The following NEU4 variants were observed in gnomAD, a reference collection of about 807,000 sequenced individuals.
NEU4 encodes sialidase-4.
In NEU4, 7 loss-of-function variants were observed where a neutral mutation model predicts 9.9. That is an observed-to-expected ratio of 0.71 (90% confidence interval 0.40 to 1.33). The LOEUF is 1.33. NEU4 is among the 40% of genes most tolerant of loss of function. The pLI is 0.01. For missense variants in NEU4, 717 were observed against 712.6 expected (o/e 1.01, Z -0.07); for synonymous variants, 348 against 316.9 (o/e 1.10, Z -1.04).
chr2:241,813,603 A>G, intron 1 of NEU4: 1 of 1,151,120 alleles, frequency 8.7e-7, no homozygotes, highest in Non-Finnish European at 1.2e-6. Context: ...CCTGGGAGCA[A>G]ACTCCCAGAA....
At chr2:241,811,084 C>G (rs987608859) in intron 1 of NEU4, 40 of 1,161,902 alleles carry the variant, frequency 3.4e-5, no homozygotes, top group Admixed American at 4.7e-5. Flanking sequence ...CTGGCAGGGC[C>G]GCGTCTCTGG....
intron 1 of NEU4, among the ~76,000 whole-genome samples, chr2:241,810,276 A>G (rs1700071221): frequency 6.6e-6 from 1 of 152,066 alleles, no homozygotes; most frequent in African/African-American, 2.4e-5. Flanking sequence ...GCTTTCCTTA[A>G]CCGTCTTCAC....
At chr2:241,815,495 T>C (rs1467426615) in intron 3 of NEU4, 1 of 523,230 alleles carries the variant, frequency 1.9e-6, no homozygotes, top group South Asian at 1.5e-5. Context: ...CCTCTATGGC[T>C]GACCCGACTC....
intron 3 of NEU4, chr2:241,815,642 G>T: frequency 3.6e-5 from 18 of 505,494 alleles, no homozygotes; most frequent in South Asian, 2.8e-4. Context: ...CCCTGCCCAG[G>T]GCCTGGCCAG....
At chr2:241,813,350 C>T (rs1700189268) in intron 1 of NEU4, 2 of 1,052,326 alleles carry the variant, frequency 1.9e-6, no homozygotes, top group Non-Finnish European at 1.2e-6. Flanking sequence ...TCCAGGTGCC[C>T]CGTGTGCCCG....
Position 241,816,426 on chromosome 2 carries a change from G to T in NEU4, c.833G>T (p.Gly278Val), listed in dbSNP as rs1255796068. Residue 278 changes from glycine to valine, a missense_variant, in exon 4 of 4, where the codon GGC (glycine) becomes GTC (valine). Gly to Val is a moderately radical substitution (Grantham distance 109). Transcript: ENST00000407683. ...SLPETAWGCQGSIVGFPAPAP... is the reference protein window; with the variant it reads ...SLPETAWGCQVSIVGFPAPAP... ...CCCGAGACTGCCTGGGGCTGCCAGGGCAGCATCGTGGGCTTCCCAGCCCCC... is the reference window on the plus strand; with the variant it reads ...CCCGAGACTGCCTGGGGCTGCCAGGTCAGCATCGTGGGCTTCCCAGCCCCC... The T allele has an allele frequency of 6.2e-7, 1 of 1,606,938 alleles. No homozygotes were observed. Among genetic ancestry groups the T allele is most frequent in the Non-Finnish European group, 8.5e-7 (1 of 1,178,464 alleles).
chr2:241,815,380 G>T, intron 3 of NEU4: 1 of 520,746 alleles, frequency 1.9e-6, no homozygotes, highest in South Asian at 2.2e-5. Context: ...ACTGTTCTGC[G>T]CCTCCCGTCC....
chr2:241,815,127 C>A lies in NEU4; in HGVS notation c.437C>A (p.Ala146Asp). 3 of 1,568,960 alleles carry A rather than the reference C, an allele frequency of 1.9e-6. No individual in the cohort carries two copies. Among genetic ancestry groups the A allele is most frequent in the Non-Finnish European group, 2.6e-6 (3 of 1,160,560 alleles). Reference protein sequence around the residue: ...WGSARDLTEEAIGGAVQDWAT... With the variant: ...WGSARDLTEEDIGGAVQDWAT... ...AGCGCCCGGGACCTCACCGAGGAGG[C>A]CATCGGTGGTGCCGTGCAGGGTAGG... is the stretch of plus-strand genomic sequence containing the variant. Residue 146 changes from alanine (A) to aspartate (D), a missense_variant, in exon 3 of 4, where the codon GCC (alanine) becomes GAC (aspartate). Transcript: ENST00000407683.
intron 2 of NEU4, 28 bp from the exon 3 acceptor site, chr2:241,814,864 G>A (rs746580309): frequency 6.3e-7 from 1 of 1,592,816 alleles, no homozygotes; most frequent in Middle Eastern, 2.1e-4. Flanking sequence ...TGGACGTCCT[G>A]GTCAGCGGAA....
chr2:241,814,786 C>T (rs866413867), intron 2 of NEU4, 101 bp downstream of exon 2: 73 of 1,527,816 alleles, frequency 4.8e-5, no homozygotes, highest in African/African-American at 2.0e-4. Flanking sequence ...GGCAGATGCC[C>T]GAGGTAGAGA....
intron 1 of NEU4, 86 bp downstream of exon 1, chr2:241,809,360 C>A: frequency 1.4e-6 from 1 of 716,340 alleles, no homozygotes; most frequent in Non-Finnish European, 2.1e-6. Flanking sequence ...TGAGAACAGC[C>A]TGTCCGGGCT....
intron 1 of NEU4, among the ~76,000 whole-genome samples, chr2:241,812,488 G>A (rs984451115): frequency 1.0e-4 from 8 of 76,524 alleles, no homozygotes; most frequent in African/African-American, 2.2e-4. Context: ...GGGGCCTGCC[G>A]AGGACACGGA....
At chr2:241,814,118 G>A in intron 1 of NEU4, 1 of 583,932 alleles carries the variant, frequency 1.7e-6, no homozygotes, top group Non-Finnish European at 3.3e-6. Context: ...ATTCTGGGAT[G>A]ACCCTGTGTC....
chr2:241,812,733 C>T (rs1575379485), intron 1 of NEU4, among the ~76,000 whole-genome samples: 2 of 147,404 alleles, frequency 1.4e-5, no homozygotes, highest in African/African-American at 5.1e-5. Flanking sequence ...CTTGTCCTCT[C>T]TGTGGGCCTC....
intron 3 of NEU4, 111 bp from the exon 4 acceptor site, chr2:241,815,940 G>A: frequency 9.2e-7 from 1 of 1,092,254 alleles, no homozygotes; most frequent in Non-Finnish European, 1.3e-6. Context: ...AGAGTGCGAT[G>A]GTCCTAACCC....
chr2:241,815,736 G>A, intron 3 of NEU4: 1 of 567,642 alleles, frequency 1.8e-6, no homozygotes, highest in East Asian at 3.1e-5. Flanking sequence ...GAGTGCAGCA[G>A]ACACATGGCC....
chr2:241,814,324 C>A, intron 1 of NEU4, 158 bp from the exon 2 acceptor site: 1 of 682,834 alleles, frequency 1.5e-6, no homozygotes, highest in Admixed American at 2.6e-5. Context: ...GTGAGGGAGT[C>A]AGAAACAGGG....
Position 241,814,481 on chromosome 2 carries a change from G to T in NEU4, c.-3-1G>T. On this transcript the variant is annotated splice_acceptor_variant, in intron 1 of 3. Transcript: ENST00000407683. LOFTEE classifies it low-confidence loss of function (5UTR_SPLICE). ...ACCTGTGGCCCTGTACTGACCAGCA[G>T]AGCATGGGGGTCCCTCGTACCCCTT... 6.2e-7 allele frequency: 1 copy of T among 1,610,642 alleles called. No homozygotes were observed. The highest frequency in any genetic ancestry group is 8.5e-7 in the Non-Finnish European group (1 of 1,178,374).
At chr2:241,815,651 A>C in intron 3 of NEU4, 9 of 491,084 alleles carry the variant, frequency 1.8e-5, no homozygotes, top group East Asian at 5.2e-5. Flanking sequence ...GGGCCTGGCC[A>C]GGCCTCACCC....
Sources: gnomAD v4.1 joint callset for allele counts (sites outside exome capture counted in the v4.1 genomes callset) on GRCh38, gnomAD v4.1.1 for gene constraint, MANE v1.5 for transcripts, NCBI Gene and HGNC (gene_info 2026-07-23, HGNC 2026-07-21) for gene names.